The following SLC4A4 variants were observed in gnomAD, a reference collection of about 807,000 sequenced individuals.
SLC4A4 encodes solute carrier family 4 member 4.
Under a neutral mutation model 111.5 loss-of-function variants are expected in SLC4A4, and 27 were observed. The ratio of observed to expected loss-of-function variants is 0.24; its 90% CI spans 0.18 to 0.33. The LOEUF (loss-of-function observed/expected upper bound fraction) is 0.33, where lower values mean the gene tolerates loss of function less well. Among genes scored for constraint, SLC4A4 ranks in the 10% least tolerant of loss-of-function variants. The pLI, the probability that SLC4A4 is intolerant of heterozygous loss-of-function variation, is 1.00. For synonymous variants in SLC4A4, 443 were observed against 463.4 expected (o/e 0.96, Z 0.57); for missense variants, 909 against 1,315.5 (o/e 0.69, Z 4.78).
intron 3 of SLC4A4, among the ~76,000 whole-genome samples, chr4:71,279,657 A>G (rs193183385): frequency 1.6e-4 from 24 of 152,292 alleles, no homozygotes; most frequent in Non-Finnish European, 1.6e-4. Context: ...GGATTTCTTG[A>G]TCACATGGTA....
intron 3 of SLC4A4, among the ~76,000 whole-genome samples, chr4:71,329,499 A>G (rs182346370): frequency 1.2e-4 from 18 of 152,090 alleles, no homozygotes; most frequent in Admixed American, 5.9e-4. Context: ...TCGTGCATCA[A>G]TGTTTTATAG....
At chr4:71,085,478 C>T (rs2148936935) in intron 1 of SLC4A4, among the ~76,000 whole-genome samples, 1 of 152,072 alleles carries the variant, frequency 6.6e-6, no homozygotes, top group East Asian at 1.9e-4. Flanking sequence ...GAAGTCCTTG[C>T]CCATGCCTAT....
chr4:71,336,999 G>A (rs1347980641), intron 3 of SLC4A4, among the ~76,000 whole-genome samples: 1 of 152,162 alleles, frequency 6.6e-6, no homozygotes, highest in East Asian at 1.9e-4. Context: ...AGACAAGAAG[G>A]CAACACAGCT....
At chr4:71,183,054 A>G (rs929775151), upstream of SLC4A4, among the ~76,000 whole-genome samples, 3 of 152,184 alleles carry the variant, frequency 2.0e-5, no homozygotes, top group Admixed American at 6.6e-5. Context: ...ATATTTCTCT[A>G]TCACATATTG....
intron 17 of SLC4A4, among the ~76,000 whole-genome samples, chr4:71,533,869 T>A (rs1437486885): frequency 1.3e-5 from 2 of 152,118 alleles, no homozygotes; most frequent in Non-Finnish European, 2.9e-5. Flanking sequence ...TTTTACTTTT[T>A]ACTTGCTACC....
At chr4:71,552,007 C>T (rs907393486) in intron 20 of SLC4A4, among the ~76,000 whole-genome samples, 2 of 151,888 alleles carry the variant, frequency 1.3e-5, no homozygotes, top group African/African-American at 4.8e-5. Flanking sequence ...TTCTTCTGGT[C>T]TGTACTCCTG....
Position 71,534,215 on chromosome 4 carries a change from G to T in SLC4A4, c.2281-12G>T. The T allele has an allele frequency of 6.2e-7, 1 of 1,613,112 alleles. No individual in the cohort carries two copies. The highest frequency in any genetic ancestry group is 2.2e-5 in the East Asian group (1 of 44,788). On this transcript the variant is annotated splice_polypyrimidine_tract_variant and intron_variant, in intron 17 of 25. Coordinates refer to ENST00000264485, the MANE Select transcript of SLC4A4 (RefSeq NM_001098484.3). ...GATAATTTTCTGAAAAATGTCATCTGTCTTTTTCAAGCCAACAAGTCCAAA... is the reference window on the plus strand; with the variant it reads ...GATAATTTTCTGAAAAATGTCATCTTTCTTTTTCAAGCCAACAAGTCCAAA...
chr4:71,250,248 C>T (rs1394168990), intron 2 of SLC4A4, among the ~76,000 whole-genome samples: 2 of 152,072 alleles, frequency 1.3e-5, no homozygotes, highest in Non-Finnish European at 2.9e-5. Context: ...ATTAGATAAG[C>T]CAGGGAAGGC....
intron 1 of SLC4A4, among the ~76,000 whole-genome samples, chr4:71,206,545 G>T (rs1248939997): frequency 6.6e-6 from 1 of 152,100 alleles, no homozygotes; most frequent in Non-Finnish European, 1.5e-5. Flanking sequence ...TTGAAAACAG[G>T]TCATTGATAA....
At chr4:71,421,143 C>T (rs1297222164) in intron 7 of SLC4A4, among the ~76,000 whole-genome samples, 7 of 151,298 alleles carry the variant, frequency 4.6e-5, no homozygotes, top group African/African-American at 1.7e-4. Flanking sequence ...GGAGGAAGAT[C>T]TACCAAGCAA....
At chr4:71,402,294 T>G (rs918173777) in intron 7 of SLC4A4, among the ~76,000 whole-genome samples, 2 of 152,172 alleles carry the variant, frequency 1.3e-5, no homozygotes, top group Non-Finnish European at 2.9e-5. Context: ...ATACATGATA[T>G]AGGAGTGAGT....
chr4:71,193,362 T>G (rs1210414116), intron 1 of SLC4A4, among the ~76,000 whole-genome samples: 1 of 152,180 alleles, frequency 6.6e-6, no homozygotes, highest in Admixed American at 6.5e-5. Context: ...GGTTTCACCG[T>G]GTTAGCCAGG....
At chr4:71,198,018 A>C (rs1472373431) in intron 1 of SLC4A4, among the ~76,000 whole-genome samples, 1 of 152,234 alleles carries the variant, frequency 6.6e-6, no homozygotes, top group Non-Finnish European at 1.5e-5. Flanking sequence ...TTGAACTAAG[A>C]GTTTGAAGTC....
intron 2 of SLC4A4, among the ~76,000 whole-genome samples, chr4:71,243,165 G>A (rs959796117): frequency 6.6e-5 from 10 of 152,170 alleles, no homozygotes; most frequent in African/African-American, 2.2e-4. Context: ...ATGGATTCAA[G>A]AATGTAGTGT....
chr4:71,334,923 G>T (rs182057801), intron 3 of SLC4A4, among the ~76,000 whole-genome samples: 1 of 152,078 alleles, frequency 6.6e-6, no homozygotes, highest in Non-Finnish European at 1.5e-5. Flanking sequence ...ATTTTTTTCT[G>T]TTAGAGGTGG....
At chr4:71,351,340 T>G (rs1397646658) in intron 5 of SLC4A4, among the ~76,000 whole-genome samples, 1 of 152,160 alleles carries the variant, frequency 6.6e-6, no homozygotes, top group Admixed American at 6.5e-5. Flanking sequence ...ACTTCTCTTC[T>G]TACAGATGAT....
intron 2 of SLC4A4, among the ~76,000 whole-genome samples, chr4:71,149,073 T>TAGTCAAAAATAGCTATTCTTTG (rs1244240383): frequency 6.6e-6 from 1 of 152,166 alleles, no homozygotes; most frequent in African/African-American, 2.4e-5. Context: ...GACTTTTTAA[T>TAGTCAAAAATAGCTATTCTTTG]AATAGCTATT....
At chr4:71,417,160 T>A (rs1211171383) in intron 7 of SLC4A4, among the ~76,000 whole-genome samples, 1 of 152,210 alleles carries the variant, frequency 6.6e-6, no homozygotes, top group Non-Finnish European at 1.5e-5. Context: ...TTGCAAGGCC[T>A]TGGCTTTGTA....
At chr4:71,151,923 G>A (rs1182828032) in intron 2 of SLC4A4, among the ~76,000 whole-genome samples, 1 of 151,888 alleles carries the variant, frequency 6.6e-6, no homozygotes, top group African/African-American at 2.4e-5. Context: ...TTTTATTAGA[G>A]GTGTGGTGGT....
Sources: allele counts gnomAD v4.1 joint callset (sites outside exome capture counted in the v4.1 genomes callset), GRCh38; gene constraint gnomAD v4.1.1; transcripts MANE v1.5; gene names NCBI Gene and HGNC (gene_info 2026-07-23, HGNC 2026-07-21).